Variants in MKS1 observed in about 807,000 individuals in gnomAD.
MKS1 encodes tectonic-like complex member MKS1.
A neutral mutation model predicts 83.7 loss-of-function variants in MKS1; 70 were observed. The ratio of observed to expected loss-of-function variants is 0.84; its 90% CI spans 0.69 to 1.02. The LOEUF (loss-of-function observed/expected upper bound fraction) is 1.02, where lower values mean the gene tolerates loss of function less well. MKS1 is among the 50% of genes least tolerant of loss of function. The probability of loss-of-function intolerance (pLI) is 0.00; values close to 1 mark genes in which losing one functional copy is unlikely to be tolerated. For missense variants in MKS1, 681 were observed against 726.9 expected, an observed-to-expected ratio of 0.94 and a Z score of 0.73; for synonymous variants, 251 against 273.4, an observed-to-expected ratio of 0.92 and a Z score of 0.81.
chr17:58,207,294 A>C lies in MKS1; in HGVS notation c.1274-76T>G. On this transcript the variant is annotated intron_variant, in intron 14 of 17. Transcript: ENST00000393119. Reference sequence around the variant, plus strand: ...CCCTCACTGACTCCCCAGCAATGACACAGGCCTAGACTCAGCTAAAACACC... The same window carrying C: ...CCCTCACTGACTCCCCAGCAATGACCCAGGCCTAGACTCAGCTAAAACACC... 7 of 1,593,370 alleles carry C rather than the reference A, an allele frequency of 4.4e-6. No homozygotes were observed. In the South Asian group the frequency reaches 7.7e-5, roughly 18 times the overall value.
chr17:58,217,004 G>T (rs868734417), intron 2 of MKS1, among the ~76,000 whole-genome samples: 1 of 151,892 alleles, frequency 6.6e-6, no homozygotes, highest in Non-Finnish European at 1.5e-5. Context: ...ATTTTTTTCT[G>T]GGGGGGATGG....
chr17:58,208,081 A>G, intron 13 of MKS1, 24 bp downstream of exon 13: 2 of 1,610,572 alleles, frequency 1.2e-6, no homozygotes, highest in South Asian at 2.2e-5. Flanking sequence ...ACCAAGGCCC[A>G]GGATCAACTG....
chr17:58,218,918 A>AC (rs1969423773), intron 1 of MKS1, 189 bp from the exon 2 acceptor site: 2 of 829,158 alleles, frequency 2.4e-6, no homozygotes. Flanking sequence ...TACTGGGGGC[A>AC]CAGGGCTTTG....
At chr17:58,211,068 T>A in intron 9 of MKS1, 46 bp from the exon 10 acceptor site, 2 of 1,590,970 alleles carry the variant, frequency 1.3e-6, no homozygotes. Context: ...CTGGAGGGAA[T>A]TGGCACTTCT....
At chr17:58,207,490 G>A in intron 14 of MKS1, 1 of 568,136 alleles carries the variant, frequency 1.8e-6, no homozygotes. Flanking sequence ...TAGTAAAATG[G>A]AAATAATACC....
rs191488115 is a variant in MKS1 at position 58,216,270 on chromosome 17, T to C, written c.262-27A>G. On this transcript the variant is annotated intron_variant, in intron 3 of 17. Transcript: ENST00000393119. Reference sequence around the variant, plus strand: ...TGAGGTTACCATAAGGAAACAGAGATGTGTACATCATTATAATACATCAAA... The same window carrying C: ...TGAGGTTACCATAAGGAAACAGAGACGTGTACATCATTATAATACATCAAA... 3.4e-4 allele frequency: 541 copies of C among 1,606,662 alleles called. 2 individuals carry two copies. The African/African-American group carries it at 4.2e-3, about 12-fold the overall frequency.
chr17:58,211,317 C>G (rs1056389369), intron 9 of MKS1, among the ~76,000 whole-genome samples: 1 of 152,212 alleles, frequency 6.6e-6, no homozygotes, highest in African/African-American at 2.4e-5. Context: ...CCAGAACGCC[C>G]TCTTCCCTTT....
intron 3 of MKS1, 115 bp downstream of exon 3, chr17:58,216,551 G>A (rs1415161844): frequency 8.4e-7 from 1 of 1,190,710 alleles, no homozygotes; most frequent in African/African-American, 1.5e-5. Flanking sequence ...AACACAACAG[G>A]GGAAAGTATA....
chr17:58,218,468 AAAAAAAAAAAAAG>A, intron 2 of MKS1, 139 bp downstream of exon 2: 2 of 393,608 alleles, frequency 5.1e-6, no homozygotes, highest in Non-Finnish European at 9.2e-6. Context: ...AAAAAAAAAA[AAAAAAAAAAAAAG>A]CCACAAATAG....
At chr17:58,206,916 T>C (rs1968546925) in intron 15 of MKS1, 169 bp downstream of exon 15, 1 of 920,810 alleles carries the variant, frequency 1.1e-6, no homozygotes. Flanking sequence ...AGTGTAGATA[T>C]TGGAACCTGA....
intron 12 of MKS1, 163 bp downstream of exon 12, chr17:58,208,350 C>CA (rs1968659891): frequency 1.0e-6 from 1 of 971,618 alleles, no homozygotes. Context: ...CTCAAAAAGA[C>CA]AGACAGGATC....
In MKS1 at chr17:58,219,147, C is replaced by T; in HGVS notation, c.80+4G>A. On this transcript the variant is annotated splice_donor_region_variant and intron_variant, in intron 1 of 17. Coordinates refer to ENST00000393119, the MANE Select transcript of MKS1 (RefSeq NM_017777.4). ...GGGCCTCGGGGCTGGGGCGGTGCGA[C>T]TACCGGAGGCGCAAGTTGCGCACGG... is the stretch of plus-strand genomic sequence containing the variant. 6.4e-7 allele frequency: 1 copy of T among 1,551,168 alleles called. No homozygotes were observed. Among genetic ancestry groups the T allele is most frequent in the South Asian group, 1.2e-5 (1 of 84,056 alleles).
chr17:58,217,251 A>C (rs1391195904), intron 2 of MKS1, among the ~76,000 whole-genome samples: 3 of 152,244 alleles, frequency 2.0e-5, no homozygotes, highest in Non-Finnish European at 4.4e-5. Context: ...GGTCTCCCAA[A>C]GTGCTGGGAT....
At chr17:58,213,184 T>C (rs1479428010) in intron 7 of MKS1, 94 bp from the exon 8 acceptor site, 2 of 1,160,112 alleles carry the variant, frequency 1.7e-6, no homozygotes, top group Non-Finnish European at 2.6e-6. Flanking sequence ...TCAGGGGCCA[T>C]ACACCTCACT....
At chr17:58,218,556 T>A in intron 2 of MKS1, 64 bp downstream of exon 2, 1 of 1,201,222 alleles carries the variant, frequency 8.3e-7, no homozygotes. Flanking sequence ...TCACTACATT[T>A]GGCCACAATT....
intron 15 of MKS1, 143 bp from the exon 16 acceptor site, chr17:58,206,690 T>C (rs1044897482): frequency 2.3e-6 from 2 of 862,906 alleles, no homozygotes; most frequent in African/African-American, 1.7e-5. Context: ...CCAGACTCTA[T>C]TACCTCAAGG....
chr17:58,218,866 T>A, intron 1 of MKS1, 137 bp from the exon 2 acceptor site: 1 of 882,632 alleles, frequency 1.1e-6, no homozygotes, highest in Non-Finnish European at 1.8e-6. Flanking sequence ...AGGAGGTGGG[T>A]GGGTGCGCCG....
At chr17:58,218,796 T>G in intron 1 of MKS1, 67 bp from the exon 2 acceptor site, 1 of 1,387,538 alleles carries the variant, frequency 7.2e-7, no homozygotes, top group East Asian at 2.3e-5. Context: ...AAAGCAAGGA[T>G]GGGGGAAACA....
chr17:58,216,475 T>C lies in MKS1; in HGVS notation c.261+191A>G, dbSNP rs182515295. Among the ~76,000 whole-genome samples the C allele has an allele frequency of 2.2e-4, 33 of 152,324 alleles. No individual in the cohort carries two copies. In the East Asian group the frequency reaches 6.0e-3, roughly 28 times the overall value. ...TTACAGATGGCATATAGCCCAGAGA[T>C]GAAAAGTTCCTCACCCAGAATCACA... is the stretch of plus-strand genomic sequence containing the variant. On this transcript the variant is annotated intron_variant, in intron 3 of 17. Transcript: ENST00000393119.
Sources: allele counts gnomAD v4.1 joint callset (sites outside exome capture counted in the v4.1 genomes callset), GRCh38; gene constraint gnomAD v4.1.1; transcripts MANE v1.5; gene names NCBI Gene and HGNC (gene_info 2026-07-23, HGNC 2026-07-21).